Variants in DNAJC10 observed in about 807,000 individuals in gnomAD.
The protein encoded by DNAJC10 is endoplasmic reticulum disulfide reductase DNAJC10.
In DNAJC10, 101 loss-of-function variants were observed where a neutral mutation model predicts 115.0. The ratio of observed to expected loss-of-function variants is 0.88; its 90% CI spans 0.75 to 1.04. The LOEUF (loss-of-function observed/expected upper bound fraction) is 1.04. Ranked by LOEUF, DNAJC10 falls within the 50% of genes least tolerant of loss-of-function variation. The pLI is 0.00. For missense variants in DNAJC10, 981 were observed against 928.8 expected (o/e 1.06, Z -0.73); for synonymous variants, 307 against 301.5 (o/e 1.02, Z -0.19).
Position 182,784,169 on chromosome 2 carries a change from AT to A in DNAJC10, c.*7038del, listed in dbSNP as rs1455701110. ...TAGTGAAACCCCATCTCTACTAAAA[AT>A]ACAAAAACTAGCTGGGCATGGAGGT... On this transcript the variant is annotated 3_prime_UTR_variant, in exon 24 of 24. Transcript: ENST00000264065. 6.6e-6 allele frequency: 1 copy of A among 151,804 alleles called. No homozygotes were observed. The highest frequency in any genetic ancestry group is 1.5e-5 in the Non-Finnish European group (1 of 67,912). The allele number at this position is 151,804 out of a possible 1,614,324, so 9.4% of individuals were successfully genotyped here. A position where few individuals can be genotyped will look rare whatever the true frequency, so the allele number is the denominator to read the frequency against.
intron 14 of DNAJC10, among the ~76,000 whole-genome samples, chr2:182,745,859 G>A (rs1236518899): frequency 6.6e-6 from 1 of 151,960 alleles, no homozygotes; most frequent in African/African-American, 2.4e-5. Context: ...TCGAGCATTA[G>A]GTATATCTCC....
In DNAJC10 at chr2:182,751,713, T is replaced by C. The variant is rs1232678626; in HGVS notation, c.1362T>C (p.His454=). 2 of 1,614,058 alleles carry C rather than the reference T, an allele frequency of 1.2e-6. No homozygotes were observed. Among genetic ancestry groups the C allele is most frequent in the Admixed American group, 1.7e-5 (1 of 60,028 alleles). ...LAFAKESVNS[H]VTTLGPQNFP... Reference sequence around the variant, plus strand: ...TTGCCAAAGAAAGTGTGAATTCTCATGTTACCACGCTTGGACCTCAAAATT... The same window carrying C: ...TTGCCAAAGAAAGTGTGAATTCTCACGTTACCACGCTTGGACCTCAAAATT... Residue 454 remains histidine, a synonymous_variant, in exon 15 of 24, where the codon CAT becomes CAC. Transcript: ENST00000264065.
chr2:182,786,576 T>C lies in DNAJC10; in HGVS notation c.*9444T>C, dbSNP rs1379762414. The stretch of plus-strand genomic sequence containing the variant: ...ACCATCTTCCTAAGGTGTGACCTCC[T>C]GTTCCCAAAGGAATAGACCTAGGTG... On this transcript the variant is annotated 3_prime_UTR_variant, in exon 24 of 24. Coordinates refer to ENST00000264065, the MANE Select transcript of DNAJC10 (RefSeq NM_018981.4). 1 of 152,198 alleles carries C rather than the reference T, an allele frequency of 6.6e-6. No individual in the cohort carries two copies. The highest frequency in any genetic ancestry group is 1.5e-5 in the Non-Finnish European group (1 of 68,052). The allele number at this position is 152,198 out of a possible 1,614,324, so 9.4% of individuals were successfully genotyped here. A position where few individuals can be genotyped will look rare whatever the true frequency, so the allele number is the denominator to read the frequency against.
At position 182,792,328 on chromosome 2, in the gene DNAJC10, G is replaced by C. The variant is rs1402994191; in HGVS notation, c.*15196G>C. The C allele has an allele frequency of 1.3e-5, 2 of 152,214 alleles. No individual in the cohort carries two copies. The highest frequency in any genetic ancestry group is 4.1e-4 in the South Asian group (2 of 4,820). The allele number at this position is 152,214 out of a possible 1,614,324, so 9.4% of individuals were successfully genotyped here. A position where few individuals can be genotyped will look rare whatever the true frequency, so the allele number is the denominator to read the frequency against. On this transcript the variant is annotated 3_prime_UTR_variant, in exon 24 of 24. Transcript: ENST00000264065. ...GGTTATCTTTGTGAGGGGTTTTGAG[G>C]GTTGTGGAACAGGATAACATTTTGA...
At chr2:182,769,602 C>T (rs1694507246) in intron 22 of DNAJC10, among the ~76,000 whole-genome samples, 1 of 152,132 alleles carries the variant, frequency 6.6e-6, no homozygotes, top group Admixed American at 6.5e-5. Flanking sequence ...TTTCATGCAT[C>T]TGTTGGCTGC....
intron 22 of DNAJC10, among the ~76,000 whole-genome samples, chr2:182,770,842 A>G (rs965022712): frequency 2.6e-5 from 4 of 152,086 alleles, no homozygotes; most frequent in South Asian, 2.1e-4. Context: ...TTCCAATACT[A>G]TGTTGAATAG....
Position 182,751,708 on chromosome 2 carries a change from T to A in DNAJC10, c.1357T>A (p.Ser453Thr). The A allele has an allele frequency of 6.2e-7, 1 of 1,614,002 alleles. No homozygotes were observed. Among genetic ancestry groups the A allele is most frequent in the Non-Finnish European group, 8.5e-7 (1 of 1,179,896 alleles). Residue 453 changes from serine to threonine, a missense_variant, in exon 15 of 24, where the codon TCT (serine) becomes ACT (threonine). Ser to Thr is a moderately conservative substitution (Grantham distance 58). Transcript: ENST00000264065. ...TGCCTTTGCCAAAGAAAGTGTGAAT[T>A]CTCATGTTACCACGCTTGGACCTCA... ...ILAFAKESVNSHVTTLGPQNF... is the reference protein window; with the variant it reads ...ILAFAKESVNTHVTTLGPQNF...
At chr2:182,732,737 A>T in intron 10 of DNAJC10, 195 bp downstream of exon 10, 1 of 569,470 alleles carries the variant, frequency 1.8e-6, no homozygotes, top group Non-Finnish European at 3.1e-6. Context: ...TTAACGTGGT[A>T]TCAATTCTAA....
At chr2:182,734,612 A>G (rs1199214308) in intron 10 of DNAJC10, among the ~76,000 whole-genome samples, 1 of 151,824 alleles carries the variant, frequency 6.6e-6, no homozygotes, top group Admixed American at 6.6e-5. Context: ...GATCCTCTAG[A>G]TCTTAATAAT....
rs184332767 is a variant in DNAJC10 at position 182,777,743 on chromosome 2, G to A, written c.*611G>A. The A allele has an allele frequency of 3.3e-5, 5 of 152,242 alleles. No individual in the cohort carries two copies. The highest frequency in any genetic ancestry group is 1.2e-4 in the African/African-American group (5 of 41,550). 9.4% of individuals were successfully genotyped at this position (152,242 alleles called of 1,614,324 possible). ...CACAGTAAACAAACCCTGTTATGCT[G>A]TATTATTATGAGGAGATTCTTCATT... On this transcript the variant is annotated 3_prime_UTR_variant, in exon 24 of 24. Transcript: ENST00000264065.
chr2:182,773,091 A>G (rs1276778631), intron 22 of DNAJC10, among the ~76,000 whole-genome samples: 3 of 152,176 alleles, frequency 2.0e-5, no homozygotes, highest in African/African-American at 7.2e-5. Context: ...TCCTTCACTT[A>G]TGAAGCTTAG....
intron 22 of DNAJC10, among the ~76,000 whole-genome samples, chr2:182,764,998 G>A (rs772091815): frequency 7.2e-5 from 11 of 152,088 alleles, no homozygotes; most frequent in Non-Finnish European, 1.2e-4. Flanking sequence ...TTGATGCAGC[G>A]CAGGCTGTTT....
chr2:182,718,332 T>C, intron 3 of DNAJC10, 42 bp downstream of exon 3: 1 of 1,461,050 alleles, frequency 6.8e-7, no homozygotes, highest in South Asian at 1.3e-5. Flanking sequence ...ATTATATTTT[T>C]GGTACATTTT....
chr2:182,755,514 C>A (rs1229517285), intron 17 of DNAJC10, among the ~76,000 whole-genome samples: 1 of 144,574 alleles, frequency 6.9e-6, no homozygotes, highest in Non-Finnish European at 1.5e-5. Flanking sequence ...AAGAAAATTT[C>A]TAGTTTATTA....
At chr2:182,765,685 G>A (rs1164151431) in intron 22 of DNAJC10, among the ~76,000 whole-genome samples, 1 of 152,116 alleles carries the variant, frequency 6.6e-6, no homozygotes, top group Non-Finnish European at 1.5e-5. Flanking sequence ...CTAACAACAG[G>A]TCCTGTTCTC....
At chr2:182,739,780 A>G in intron 11 of DNAJC10, 2 of 995,326 alleles carry the variant, frequency 2.0e-6, no homozygotes, top group Non-Finnish European at 2.4e-6. Context: ...ATAATGAGCA[A>G]AAGTCCATTC....
intron 14 of DNAJC10, 110 bp downstream of exon 14, chr2:182,743,822 C>G (rs1693797375): frequency 4.2e-6 from 3 of 714,144 alleles, no homozygotes; most frequent in Admixed American, 5.5e-5. Flanking sequence ...TTGTAAATAA[C>G]TTTTCTCAGT....
chr2:182,718,182 A>C lies in DNAJC10; in HGVS notation c.96A>C (p.Thr32=). The C allele has an allele frequency of 6.2e-7, 1 of 1,613,662 alleles. No individual in the cohort carries two copies. Among genetic ancestry groups the C allele is most frequent in the Non-Finnish European group, 8.5e-7 (1 of 1,179,814 alleles). Reference sequence around the variant, plus strand: ...TGTATATGGCCATTTTAGTGGGCACAGATCAGGATTTTTACAGTTTACTTG... The same window carrying C: ...TGTATATGGCCATTTTAGTGGGCACCGATCAGGATTTTTACAGTTTACTTG... ...LIVYMAILVG[T]DQDFYSLLGV... Residue 32 remains threonine, a synonymous_variant, in exon 3 of 24, where the codon ACA becomes ACC. Transcript: ENST00000264065.
chr2:182,763,290 T>G (rs1694331951), intron 22 of DNAJC10, among the ~76,000 whole-genome samples: 1 of 152,176 alleles, frequency 6.6e-6, no homozygotes, highest in Admixed American at 6.6e-5. Flanking sequence ...GTATTTGCCA[T>G]GTACTCATGT....
Sources: allele counts gnomAD v4.1 joint callset (sites outside exome capture counted in the v4.1 genomes callset), GRCh38; gene constraint gnomAD v4.1.1; transcripts MANE v1.5; gene names NCBI Gene and HGNC (gene_info 2026-07-23, HGNC 2026-07-21).